XKR6: variants seen among roughly 807,000 people sequenced by gnomAD.
XKR6 encodes XK related 6.
A neutral mutation model predicts 56.7 loss-of-function variants in XKR6; 22 were observed. The observed-to-expected ratio is 0.39, with a 90% CI of 0.28 to 0.55. XKR6 has a LOEUF of 0.55. XKR6 is among the 20% of genes least tolerant of loss of function. XKR6 has a pLI of 0.66. For missense variants in XKR6, 852 were observed against 889.0 expected (o/e 0.96, Z 0.53); for synonymous variants, 524 against 387.8 (o/e 1.35, Z -4.13).
chr8:11,102,466 T>G (rs902802402), intron 1 of XKR6, among the ~76,000 whole-genome samples: 1 of 152,142 alleles, frequency 6.6e-6, no homozygotes, highest in African/African-American at 2.4e-5. Flanking sequence ...AATAGCTCTC[T>G]GAGAAGACAA....
At chr8:11,164,342 C>T (rs544598386) in intron 1 of XKR6, among the ~76,000 whole-genome samples, 1 of 152,350 alleles carries the variant, frequency 6.6e-6, no homozygotes, top group East Asian at 1.9e-4. Flanking sequence ...CTTTTCTCCA[C>T]CCCTGGGGTC....
chr8:11,189,158 A>T (rs1803419521), intron 1 of XKR6, among the ~76,000 whole-genome samples: 1 of 152,130 alleles, frequency 6.6e-6, no homozygotes, highest in Non-Finnish European at 1.5e-5. Context: ...TCTTTTTAGG[A>T]ATCTTATCCT....
chr8:10,925,607 G>A (rs1010006497), intron 1 of XKR6, among the ~76,000 whole-genome samples: 4 of 152,194 alleles, frequency 2.6e-5, no homozygotes, highest in Non-Finnish European at 5.9e-5. Flanking sequence ...AGCAGGTAGG[G>A]GGAAGAGCAA....
chr8:11,185,727 C>T (rs2409727), intron 1 of XKR6, among the ~76,000 whole-genome samples: 76,100 of 152,026 alleles, frequency 0.5, 21,840 homozygotes, highest in African/African-American at 0.78. Context: ...ACCTGAAACA[C>T]TGATGAGTCT....
intron 1 of XKR6, among the ~76,000 whole-genome samples, chr8:10,976,233 T>C (rs1802554379): frequency 6.6e-6 from 1 of 151,162 alleles, no homozygotes; most frequent in Non-Finnish European, 1.5e-5. Context: ...GAGGGTTTAG[T>C]GGGGTCATTA....
intron 1 of XKR6, among the ~76,000 whole-genome samples, chr8:10,991,620 G>A (rs1443931298): frequency 1.3e-5 from 2 of 152,320 alleles, no homozygotes; most frequent in Admixed American, 6.5e-5. Context: ...CAGGCGAAGT[G>A]TAACCCAGGT....
intron 1 of XKR6, among the ~76,000 whole-genome samples, chr8:11,039,186 C>T (rs950727673): frequency 9.2e-5 from 14 of 152,200 alleles, no homozygotes; most frequent in Non-Finnish European, 1.8e-4. Flanking sequence ...AAATGCAAAG[C>T]GAAGGGGAGG....
At chr8:11,136,776 AG>A (rs1481523808) in intron 1 of XKR6, 1 of 152,228 alleles carries the variant, frequency 6.6e-6, no homozygotes, top group Non-Finnish European at 1.5e-5. Flanking sequence ...CAGAACCAGA[AG>A]GAATACATTT....
chr8:11,084,099 C>A (rs1797810179), intron 1 of XKR6, among the ~76,000 whole-genome samples: 1 of 152,252 alleles, frequency 6.6e-6, no homozygotes, highest in South Asian at 2.1e-4. Context: ...TCCTCTAAGC[C>A]TCAGTTTCCA....
At chr8:11,101,448 A>C (rs1295437286) in intron 1 of XKR6, among the ~76,000 whole-genome samples, 3 of 152,146 alleles carry the variant, frequency 2.0e-5, no homozygotes, top group African/African-American at 7.2e-5. Context: ...TGTTCTGTTC[A>C]TTTTTGTGCA....
intron 1 of XKR6, among the ~76,000 whole-genome samples, chr8:10,987,900 C>T (rs1180803904): frequency 6.6e-6 from 1 of 152,222 alleles, no homozygotes; most frequent in African/African-American, 2.4e-5. Flanking sequence ...ACAGCACCTG[C>T]AGGGCTCACT....
intron 1 of XKR6, among the ~76,000 whole-genome samples, chr8:11,076,254 G>A (rs970777532): frequency 6.6e-6 from 1 of 152,170 alleles, no homozygotes; most frequent in Non-Finnish European, 1.5e-5. Context: ...AATGGGTGTG[G>A]ATTTTTAGTT....
At chr8:10,918,595 T>C (rs28756889) in intron 2 of XKR6, among the ~76,000 whole-genome samples, 3,798 of 152,254 alleles carry the variant, frequency 0.025, 166 homozygotes, top group African/African-American at 0.085. Flanking sequence ...TGGGCACAGG[T>C]TTTAGAGAAG....
chr8:10,995,513 T>TAC (rs1040184523), intron 1 of XKR6, among the ~76,000 whole-genome samples: 12 of 147,062 alleles, frequency 8.2e-5, no homozygotes, highest in South Asian at 2.1e-4. Context: ...CACACACATA[T>TAC]ACACACACAC....
At chr8:11,104,229 G>C (rs1376988153) in intron 1 of XKR6, among the ~76,000 whole-genome samples, 2 of 152,200 alleles carry the variant, frequency 1.3e-5, no homozygotes, top group Non-Finnish European at 2.9e-5. Flanking sequence ...GGAAATAAAA[G>C]GACACACTTT....
chr8:11,137,486 T>C lies in XKR6; in HGVS notation c.764+63090A>G, dbSNP rs554270206. 106 of 445,450 alleles carry C rather than the reference T, an allele frequency of 2.4e-4. 1 individual carries two copies. The highest frequency in any genetic ancestry group is 1.7e-3 in the South Asian group (104 of 62,544). The allele number at this position is 445,450 out of a possible 1,614,324, so 27.6% of individuals were successfully genotyped here. ...CCGACACGGAAGTCTTATCTGAGAA[T>C]AGAATCTCTGCTACACTAACCTAGG... is the stretch of plus-strand genomic sequence containing the variant. On this transcript the variant is annotated intron_variant, in intron 1 of 2. Coordinates refer to ENST00000416569, the MANE Select transcript of XKR6 (RefSeq NM_173683.4).
intron 1 of XKR6, among the ~76,000 whole-genome samples, chr8:11,178,490 G>C (rs1221905585): frequency 6.7e-6 from 1 of 148,474 alleles, no homozygotes; most frequent in Non-Finnish European, 1.5e-5. Context: ...CCTAACCATG[G>C]AGAAATCACT....
At chr8:10,935,820 G>C (rs62490725) in intron 1 of XKR6, among the ~76,000 whole-genome samples, 37 of 129,102 alleles carry the variant, frequency 2.9e-4, no homozygotes, top group African/African-American at 1.0e-3. Context: ...TTACTTCCAA[G>C]TATGTGGTCA....
At chr8:11,187,159 A>G (rs1369222829) in intron 1 of XKR6, among the ~76,000 whole-genome samples, 1 of 152,210 alleles carries the variant, frequency 6.6e-6, no homozygotes, top group African/African-American at 2.4e-5. Context: ...TTCCTGCTTC[A>G]TGTGTGTTGT....
Sources: allele counts gnomAD v4.1 joint callset (sites outside exome capture counted in the v4.1 genomes callset), GRCh38; gene constraint gnomAD v4.1.1; transcripts MANE v1.5; gene names NCBI Gene and HGNC (gene_info 2026-07-23, HGNC 2026-07-21).